The following DNAH17 variants were observed in gnomAD, a reference collection of about 807,000 sequenced individuals.
The protein encoded by DNAH17 is dynein axonemal heavy chain 17, also known as axonemal beta dynein heavy chain 17.
A neutral mutation model predicts 485.6 loss-of-function variants in DNAH17; 376 were observed. The observed-to-expected ratio is 0.77, with a 90% CI of 0.71 to 0.84. DNAH17 has a LOEUF of 0.84. Ranked by LOEUF, DNAH17 falls within the 40% of genes least tolerant of loss-of-function variation. DNAH17 has a pLI of 0.00. For synonymous variants in DNAH17, 3,031 were observed against 2,405.9 expected (o/e 1.26, Z -7.60); for missense variants, 6,370 against 5,839.3 (o/e 1.09, Z -2.96).
At chr17:78,561,661 C>T (rs1193282302) in intron 12 of DNAH17, 54 bp downstream of exon 12, 2 of 1,532,164 alleles carry the variant, frequency 1.3e-6, no homozygotes, top group East Asian at 2.3e-5. Flanking sequence ...GTCCCTCTCG[C>T]TCTCCCGCAC....
Position 78,486,375 on chromosome 17 carries a change from G to C in DNAH17, c.6950C>G (p.Pro2317Arg). The change falls in exon 45 of 81, where the codon CCG becomes CGG. Residue 2317 changes from proline to arginine, a missense_variant. Transcript: ENST00000389840. ...AATCGTTTGGATCACCGTGATCTCC[G>C]GCACTGGCGTGATCTTCTTGAACCC... ...RFGFKKITPVPEITVIQTILY... is the reference protein window; with the variant it reads ...RFGFKKITPVREITVIQTILY... The C allele has an allele frequency of 1.2e-6, 2 of 1,613,842 alleles. No individual in the cohort carries two copies. Among genetic ancestry groups the C allele is most frequent in the Non-Finnish European group, 1.7e-6 (2 of 1,179,838 alleles).
chr17:78,558,994 C>T (rs1337544489), intron 13 of DNAH17, among the ~76,000 whole-genome samples: 2 of 152,206 alleles, frequency 1.3e-5, no homozygotes, highest in East Asian at 3.8e-4. Context: ...CATTCCTGGT[C>T]ACCATTATTA....
At position 78,567,276 on chromosome 17, in the gene DNAH17, C is replaced by G. The variant is rs918702507; in HGVS notation, c.1285-110G>C. 3.1e-5 allele frequency: 34 copies of G among 1,111,358 alleles called. No homozygotes were observed. The African/African-American group carries it at 3.6e-4, about 12-fold the overall frequency. 68.8% of individuals were successfully genotyped at this position (1,111,358 alleles called of 1,614,324 possible). On this transcript the variant is annotated intron_variant, in intron 9 of 80. Transcript: ENST00000389840. ...GGAGGAGCTGGGGAGCAAAATGTCCCCAGGAGACACCAACCATGGGGGTGG... is the reference window on the plus strand; with the variant it reads ...GGAGGAGCTGGGGAGCAAAATGTCCGCAGGAGACACCAACCATGGGGGTGG...
chr17:78,446,907 G>A (rs1032289617), intron 69 of DNAH17, among the ~76,000 whole-genome samples: 16 of 152,186 alleles, frequency 1.1e-4, no homozygotes, highest in South Asian at 4.1e-4. Context: ...GCCTCCCAAC[G>A]TACCAGGATT....
intron 55 of DNAH17, among the ~76,000 whole-genome samples, chr17:78,467,637 C>T (rs1035914158): frequency 6.6e-5 from 10 of 152,110 alleles, no homozygotes; most frequent in African/African-American, 2.4e-4. Flanking sequence ...GGGATTGGCA[C>T]CCCGCAAAGG....
Position 78,427,077 on chromosome 17 carries a change from T to C in DNAH17, c.12620A>G (p.Lys4207Arg), listed in dbSNP as rs1269817341. 1.9e-6 allele frequency: 3 copies of C among 1,587,636 alleles called. No individual in the cohort carries two copies. The highest frequency in any genetic ancestry group is 1.8e-5 in the Admixed American group (1 of 55,936). The change falls in exon 78 of 81, where the codon AAG (lysine) becomes AGG (arginine). Residue 4207 changes from lysine to arginine, a missense_variant. Coordinates refer to ENST00000389840, the MANE Select transcript of DNAH17 (RefSeq NM_173628.4). ...AGCCATGTTGAAAGTCTCCGGAATCTTCTCCAGGATGTCGTCCAGCACGGC... is the reference window on the plus strand; with the variant it reads ...AGCCATGTTGAAAGTCTCCGGAATCCTCTCCAGGATGTCGTCCAGCACGGC... ...VKAVLDDILE[K>R]IPETFNMAEI...
At chr17:78,537,503 C>T (rs765302911) in intron 18 of DNAH17, 22 bp from the exon 19 acceptor site, 1 of 1,611,076 alleles carries the variant, frequency 6.2e-7, no homozygotes, top group South Asian at 1.1e-5. Context: ...GTGGGGTTGG[C>T]AGTGGTCAAC....
chr17:78,462,914 C>G lies in DNAH17; in HGVS notation c.9104G>C (p.Arg3035Thr), dbSNP rs749296828. ...CTCGATTTTGGCAACAAGTTCCGTT[C>G]TCTTCTTGGCCAGCAGGTTCTGGTA... ...KLYQNLLAKK[R>T]TELVAKIERL... The change falls in exon 57 of 81, where the codon AGA becomes ACA. Residue 3035 changes from arginine to threonine, a missense_variant. Physicochemically the swap from Arg to Thr is moderately conservative, Grantham distance 71. Coordinates refer to ENST00000389840, the MANE Select transcript of DNAH17 (RefSeq NM_173628.4). 3.5e-5 allele frequency: 57 copies of G among 1,613,888 alleles called. No individual in the cohort carries two copies. Among genetic ancestry groups the G allele is most frequent in the Admixed American group, 2.2e-4 (13 of 60,010 alleles).
chr17:78,481,926 A>G (rs2089365282), intron 48 of DNAH17, among the ~76,000 whole-genome samples: 1 of 152,022 alleles, frequency 6.6e-6, no homozygotes, highest in African/African-American at 2.4e-5. Flanking sequence ...GAGGCAGGAG[A>G]ATTGCTTGAA....
At chr17:78,480,869 CTCCT>C in intron 48 of DNAH17, 83 bp from the exon 49 acceptor site, 1 of 915,116 alleles carries the variant, frequency 1.1e-6, no homozygotes, top group Non-Finnish European at 1.7e-6. Flanking sequence ...CAAGAATGCC[CTCCT>C]TATTATTATT....
At chr17:78,555,345 G>A (rs1213198872) in intron 14 of DNAH17, among the ~76,000 whole-genome samples, 2 of 152,184 alleles carry the variant, frequency 1.3e-5, no homozygotes, top group Admixed American at 6.5e-5. Flanking sequence ...CACCTCTTTA[G>A]TGTGCTCGTG....
chr17:78,445,778 G>T, intron 69 of DNAH17, 98 bp from the exon 70 acceptor site: 1 of 1,375,792 alleles, frequency 7.3e-7, no homozygotes, highest in Non-Finnish European at 9.9e-7. Flanking sequence ...CACACTCCCG[G>T]CCTGCAGGGG....
At chr17:78,570,869 A>AAAAAAG in intron 6 of DNAH17, 79 bp downstream of exon 6, 2 of 766,894 alleles carry the variant, frequency 2.6e-6, no homozygotes, top group Non-Finnish European at 3.8e-6. Context: ...AAAAAAAAAA[A>AAAAAAG]AAAAAAAAAG....
rs2092070316 is a variant in DNAH17 at position 78,558,206 on chromosome 17, T to C, written c.2080A>G (p.Lys694Glu). ...EVKYLNFQQQ[K>E]EIPDSAESLF... ...CTCTCCGCACTGTCTGGAATCTCTT[T>C]CTGTTGCTGGAAATTCAAATACTTG... Residue 694 changes from lysine (K) to glutamate (E), a missense_variant, in exon 14 of 81, where the codon AAA (lysine) becomes GAA (glutamate). Coordinates refer to ENST00000389840, the MANE Select transcript of DNAH17 (RefSeq NM_173628.4). 1 of 1,613,882 alleles carries C rather than the reference T, an allele frequency of 6.2e-7. No individual in the cohort carries two copies.
chr17:78,482,709 T>G (rs1202046315), intron 48 of DNAH17, among the ~76,000 whole-genome samples: 1 of 152,180 alleles, frequency 6.6e-6, no homozygotes, highest in Non-Finnish European at 1.5e-5. Context: ...GCCTTTTTCT[T>G]CCACAGGTGA....
At chr17:78,504,785 C>T (rs2090431349) in intron 31 of DNAH17, among the ~76,000 whole-genome samples, 1 of 151,154 alleles carries the variant, frequency 6.6e-6, no homozygotes, top group Admixed American at 6.6e-5. Flanking sequence ...GCTGTGCAGC[C>T]GATTATTTCA....
At chr17:78,531,769 G>C (rs1300348884) in intron 20 of DNAH17, among the ~76,000 whole-genome samples, 1 of 152,190 alleles carries the variant, frequency 6.6e-6, no homozygotes, top group South Asian at 2.1e-4. Flanking sequence ...TTTCTTCTAA[G>C]CAGCATATAT....
intron 15 of DNAH17, 23 bp downstream of exon 15, chr17:78,552,674 T>G: frequency 6.3e-7 from 1 of 1,577,070 alleles, no homozygotes; most frequent in Non-Finnish European, 8.7e-7. Context: ...TAATCCAATG[T>G]GGGAGGAATG....
At chr17:78,555,944 T>C (rs901145156) in intron 14 of DNAH17, among the ~76,000 whole-genome samples, 1 of 152,228 alleles carries the variant, frequency 6.6e-6, no homozygotes, top group African/African-American at 2.4e-5. Flanking sequence ...GTTCCCCTAG[T>C]TGTCAGGCTT....
Sources: gnomAD v4.1 joint callset for allele counts (sites outside exome capture counted in the v4.1 genomes callset) on GRCh38, gnomAD v4.1.1 for gene constraint, MANE v1.5 for transcripts, NCBI Gene and HGNC (gene_info 2026-07-23, HGNC 2026-07-21) for gene names.